Variants in PKIG observed in about 807,000 individuals in gnomAD.
PKIG encodes cAMP-dependent protein kinase inhibitor gamma.
Under a neutral mutation model 6.8 loss-of-function variants are expected in PKIG, and 1 was observed. That is an observed-to-expected ratio of 0.15 (90% confidence interval 0.05 to 0.69). PKIG has a LOEUF of 0.69. Among genes scored for constraint, PKIG ranks in the 30% least tolerant of loss-of-function variants. PKIG has a pLI of 0.82. For missense variants in PKIG, 77 were observed against 104.0 expected, an observed-to-expected ratio of 0.74 and a Z score of 1.13; for synonymous variants, 39 against 43.0, an observed-to-expected ratio of 0.91 and a Z score of 0.36.
upstream of PKIG, among the ~76,000 whole-genome samples, chr20:44,581,849 C>T (rs573909921): frequency 5.3e-5 from 8 of 152,248 alleles, no homozygotes; most frequent in Non-Finnish European, 7.4e-5. Context: ...TAGTAAAATG[C>T]TCTATAATGC....
At chr20:44,552,592 C>T (rs1172242140) in intron 1 of PKIG, among the ~76,000 whole-genome samples, 2 of 152,136 alleles carry the variant, frequency 1.3e-5, no homozygotes, top group Non-Finnish European at 2.9e-5. Context: ...TGAATCAAAT[C>T]TGGTGCTGCC....
At chr20:44,568,175 C>G (rs1479144506) in intron 1 of PKIG, among the ~76,000 whole-genome samples, 1 of 152,072 alleles carries the variant, frequency 6.6e-6, no homozygotes, top group Non-Finnish European at 1.5e-5. Context: ...ATATAAATGT[C>G]TCTCTCATTT....
intron 1 of PKIG, among the ~76,000 whole-genome samples, chr20:44,587,513 G>C (rs745443335): frequency 1.3e-5 from 2 of 152,172 alleles, no homozygotes; most frequent in Non-Finnish European, 2.9e-5. Context: ...GTCCAAAGTT[G>C]TAGTAAGGAA....
rs2064686645 is a variant in PKIG at position 44,553,488 on chromosome 20, T to G, written c.-241+21510T>G. ...GTATTAGAGTCAGAGCTGTGGTAGC[T>G]TCACAGATGGATTTCAGATAACAGA... On this transcript the variant is annotated intron_variant, in intron 1 of 4. Coordinates refer to the PKIG transcript ENST00000372887. 3.9e-5 allele frequency among the ~76,000 whole-genome samples: 6 copies of G among 152,156 alleles called. No individual in the cohort carries two copies. In the South Asian group the frequency reaches 1.2e-3, roughly 32 times the overall value.
At chr20:44,569,931 C>T (rs1176255325) in intron 1 of PKIG, among the ~76,000 whole-genome samples, 1 of 152,162 alleles carries the variant, frequency 6.6e-6, no homozygotes, top group Non-Finnish European at 1.5e-5. Context: ...AAGTTTGAGA[C>T]CAGCCTGGCG....
intron 1 of PKIG, among the ~76,000 whole-genome samples, chr20:44,543,726 A>G (rs940858281): frequency 6.6e-6 from 1 of 152,096 alleles, no homozygotes; most frequent in African/African-American, 2.4e-5. Flanking sequence ...CCTAGGCCCC[A>G]GATTTATGTA....
chr20:44,535,513 C>T (rs1267428223), intron 1 of PKIG, among the ~76,000 whole-genome samples: 4 of 152,042 alleles, frequency 2.6e-5, no homozygotes, highest in East Asian at 1.9e-4. Flanking sequence ...TAGTGGTGCA[C>T]GCCTGTAGTC....
intron 2 of PKIG, among the ~76,000 whole-genome samples, chr20:44,605,141 C>CA (rs769612973): frequency 6.6e-6 from 1 of 152,130 alleles, no homozygotes. Context: ...TGCGGTGGCT[C>CA]ACGCCTGTAA....
chr20:44,615,327 C>T (rs1371400423), intron 3 of PKIG, among the ~76,000 whole-genome samples: 1 of 152,230 alleles, frequency 6.6e-6, no homozygotes, highest in Non-Finnish European at 1.5e-5. Context: ...TCTCTGAGTG[C>T]TAGATCAGCC....
chr20:44,611,407 C>G (rs1191322681), intron 2 of PKIG, among the ~76,000 whole-genome samples: 1 of 152,086 alleles, frequency 6.6e-6, no homozygotes, highest in East Asian at 1.9e-4. Context: ...CAGGAACTTA[C>G]TGCTCCTATC....
Position 44,614,825 on chromosome 20 carries a change from C to A in PKIG, c.151+118C>A, listed in dbSNP as rs2065250121. On this transcript the variant is annotated intron_variant, in intron 3 of 3. Transcript: ENST00000372886. The surrounding 1 kb of genome is among the most constrained non-coding windows in gnomAD (Gnocchi z 4.6). ...CTTAGAGAAGAAACCACATTTAAGT[C>A]AGGCCTGCCCCATGGTCAGTGGCAG... The A allele has an allele frequency of 9.8e-7, 1 of 1,019,874 alleles. No homozygotes were observed. Among genetic ancestry groups the A allele is most frequent in the Non-Finnish European group, 1.4e-6 (1 of 705,780 alleles). 63.2% of individuals were successfully genotyped at this position (1,019,874 alleles called of 1,614,324 possible). A position where few individuals can be genotyped will look rare whatever the true frequency, so the allele number is the denominator to read the frequency against.
Position 44,614,791 on chromosome 20 carries a change from C to A in PKIG, c.151+84C>A. 1 of 1,405,092 alleles carries A rather than the reference C, an allele frequency of 7.1e-7. No homozygotes were observed. 87.0% of individuals were successfully genotyped at this position (1,405,092 alleles called of 1,614,324 possible). The stretch of plus-strand genomic sequence containing the variant: ...GGCTAGCCTCCAAGTCCTAGACTGC[C>A]CATACTTTCTTAGAGAAGAAACCAC... On this transcript the variant is annotated intron_variant, in intron 3 of 3. Transcript: ENST00000372886. This position sits in a 1 kb window ranked among gnomAD's most constrained non-coding sequence, Gnocchi z 4.6.
chr20:44,559,314 A>G (rs1235048448), intron 1 of PKIG, among the ~76,000 whole-genome samples: 1 of 152,232 alleles, frequency 6.6e-6, no homozygotes, highest in African/African-American at 2.4e-5. Context: ...ATGAGATCAT[A>G]TTATACAAAC....
intron 1 of PKIG, among the ~76,000 whole-genome samples, chr20:44,570,084 T>G (rs1186452598): frequency 1.3e-5 from 2 of 152,154 alleles, no homozygotes; most frequent in Non-Finnish European, 2.9e-5. Flanking sequence ...CGAGCTATGA[T>G]GATATCACTG....
chr20:44,544,925 CTTTTTTTTTTTT>C (rs796482642), intron 1 of PKIG, among the ~76,000 whole-genome samples: 55 of 64,388 alleles, frequency 8.5e-4, no homozygotes, highest in Non-Finnish European at 1.3e-3. Context: ...TTCCTTCTTT[CTTTTTTTTTTTT>C]TTTTTTTTTT....
chr20:44,538,167 C>G (rs917275526), intron 1 of PKIG, among the ~76,000 whole-genome samples: 2 of 152,204 alleles, frequency 1.3e-5, no homozygotes, highest in African/African-American at 4.8e-5. Context: ...CCTGTAGTCT[C>G]TGTCTACTTC....
chr20:44,551,040 C>A (rs2064663323), intron 1 of PKIG, among the ~76,000 whole-genome samples: 1 of 152,052 alleles, frequency 6.6e-6, no homozygotes, highest in Non-Finnish European at 1.5e-5. Context: ...TAATTCACTC[C>A]TTAAATACAA....
intron 1 of PKIG, among the ~76,000 whole-genome samples, chr20:44,583,969 A>G (rs992407216): frequency 2.0e-5 from 3 of 152,192 alleles, no homozygotes; most frequent in Admixed American, 1.3e-4. Flanking sequence ...AGAAAGAGAA[A>G]GAAAAAGTCT....
intron 1 of PKIG, among the ~76,000 whole-genome samples, chr20:44,574,863 C>G (rs2064882985): frequency 6.6e-6 from 1 of 152,186 alleles, no homozygotes; most frequent in Non-Finnish European, 1.5e-5. Context: ...AGCTACCGTG[C>G]CCAGCCTAGC....
Sources: gnomAD v4.1 joint callset for allele counts (sites outside exome capture counted in the v4.1 genomes callset) on GRCh38, gnomAD v4.1.1 for gene constraint, Gnocchi (gnomAD v3.1) non-coding constraint, MANE v1.5 for transcripts, NCBI Gene and HGNC (gene_info 2026-07-23, HGNC 2026-07-21) for gene names.